ZKSCAN7: variants seen among roughly 807,000 people sequenced by gnomAD.
The protein encoded by ZKSCAN7 is zinc finger protein with KRAB and SCAN domains 7.
Under a neutral mutation model 65.3 loss-of-function variants are expected in ZKSCAN7, and 38 were observed. That is an observed-to-expected ratio of 0.58 (90% CI 0.45 to 0.76). The LOEUF (loss-of-function observed/expected upper bound fraction) is 0.76, where lower values mean the gene tolerates loss of function less well. ZKSCAN7 is among the 30% of genes least tolerant of loss of function. The pLI, the probability that ZKSCAN7 is intolerant of heterozygous loss-of-function variation, is 0.00. For missense variants in ZKSCAN7, 815 were observed against 913.3 expected, an observed-to-expected ratio of 0.89 and a Z score of 1.39; for synonymous variants, 321 against 321.0, an observed-to-expected ratio of 1.00 and a Z score of 0.00.
chr3:44,575,986 C>T (rs1019693365), downstream of ZKSCAN7, among the ~76,000 whole-genome samples: 5 of 152,090 alleles, frequency 3.3e-5, no homozygotes, highest in African/African-American at 4.8e-5. Flanking sequence ...TACTCTGGAA[C>T]AGTATGCATA....
downstream of ZKSCAN7, among the ~76,000 whole-genome samples, chr3:44,574,053 A>T (rs761458189): frequency 3.3e-5 from 5 of 152,184 alleles, no homozygotes; most frequent in Non-Finnish European, 7.3e-5. Context: ...TTTAGTTTTA[A>T]TGGTTTTTTA....
At chr3:44,565,857 C>G (rs1223711963) in intron 3 of ZKSCAN7, among the ~76,000 whole-genome samples, 8 of 152,150 alleles carry the variant, frequency 5.3e-5, no homozygotes, top group Non-Finnish European at 5.9e-5. Flanking sequence ...AAGGGCATGT[C>G]GTAGGAAAGG....
intron 5 of ZKSCAN7, chr3:44,580,661 C>G (rs1700052174): frequency 3.7e-6 from 6 of 1,613,812 alleles, no homozygotes; most frequent in Non-Finnish European, 5.1e-6. Flanking sequence ...TCTCAGGCGT[C>G]AGAATACACA....
At chr3:44,579,465 G>C (rs1233754146) in intron 5 of ZKSCAN7, among the ~76,000 whole-genome samples, 1 of 152,134 alleles carries the variant, frequency 6.6e-6, no homozygotes, top group Non-Finnish European at 1.5e-5. Flanking sequence ...TTCTGCTCAG[G>C]GTCCGGCTCC....
At chr3:44,581,380 A>G (rs2125737956) in intron 5 of ZKSCAN7, among the ~76,000 whole-genome samples, 1 of 152,148 alleles carries the variant, frequency 6.6e-6, no homozygotes, top group Non-Finnish European at 1.5e-5. Flanking sequence ...GGCCGCTGCA[A>G]ATGACCAATT....
Position 44,571,693 on chromosome 3 carries a change from T to C in ZKSCAN7, c.*318T>C, listed in dbSNP as rs754356765. ...ACTCCATGCTTTTTAAAGACAGAGA[T>C]AATATCTTCTCTATTCTATTCTACT... On this transcript the variant is annotated 3_prime_UTR_variant, in exon 6 of 6. Coordinates refer to ENST00000426540, the MANE Select transcript of ZKSCAN7 (RefSeq NM_001288590.2). 112 of 1,175,612 alleles carry C rather than the reference T, an allele frequency of 9.5e-5. No individual in the cohort carries two copies. The highest frequency in any genetic ancestry group is 8.8e-5 in the Non-Finnish European group (83 of 946,458). The allele number at this position is 1,175,612 out of a possible 1,614,324, so 72.8% of individuals were successfully genotyped here. A position where few individuals can be genotyped will look rare whatever the true frequency, so the allele number is the denominator to read the frequency against.
rs33986362 is a variant in ZKSCAN7, at chr3:44,560,506, CTTTTTTT to C, written c.423+3054_423+3060del. ...TGCAGAATTCTTTTGTTTCCTGTAT[CTTTTTTT>C]TTTTTTTTTTTTTTTTTGAGACAAA... On this transcript the variant is annotated intron_variant, in intron 2 of 5. Coordinates refer to ENST00000426540, the MANE Select transcript of ZKSCAN7 (RefSeq NM_001288590.2). Among the ~76,000 whole-genome samples, 253 of 108,380 alleles carry C rather than the reference CTTTTTTT, an allele frequency of 2.3e-3. 4 individuals carry two copies. In the East Asian group the frequency reaches 0.044, roughly 19 times the overall value. The allele number at this position is 108,380 out of a possible 152,430, so 71.1% of individuals were successfully genotyped here.
rs201437514 is a variant in ZKSCAN7, at chr3:44,557,285, C to T, written c.238C>T (p.Arg80Cys). The T allele has an allele frequency of 1.1e-4, 171 of 1,614,272 alleles. No individual in the cohort carries two copies. The Admixed American group carries it at 2.2e-3, about 21-fold the overall frequency. ...EALSRLRELC[R>C]WWLMPEVHTK... The stretch of plus-strand genomic sequence containing the variant: ...ATTGAGCCGGCTTCGGGAGCTCTGC[C>T]GCTGGTGGCTCATGCCAGAGGTGCA... Residue 80 changes from arginine to cysteine, a missense_variant, in exon 2 of 6, where the codon CGC (arginine) becomes TGC (cysteine). Arg to Cys is a radical substitution (Grantham distance 180). This residue lies in a region of ZKSCAN7 where 227 missense variants were observed against 253.3 expected (regional missense o/e 0.90). Transcript: ENST00000426540.
intron 5 of ZKSCAN7, chr3:44,582,925 T>C: frequency 2.4e-6 from 1 of 421,322 alleles, no homozygotes; most frequent in Non-Finnish European, 4.7e-6. Flanking sequence ...TGTGTGTGTG[T>C]GTGTGTGTGT....
At chr3:44,578,518 C>T (rs1328855316) in intron 5 of ZKSCAN7, among the ~76,000 whole-genome samples, 1 of 152,232 alleles carries the variant, frequency 6.6e-6, no homozygotes, top group Non-Finnish European at 1.5e-5. Flanking sequence ...CCTCCAGCGC[C>T]TGGGCCAGAT....
chr3:44,568,191 T>C (rs1173642300), intron 4 of ZKSCAN7, 116 bp from the exon 5 acceptor site: 1 of 1,545,880 alleles, frequency 6.5e-7, no homozygotes, highest in Non-Finnish European at 8.7e-7. Flanking sequence ...TCATCTCAGC[T>C]CCTCTCTCCC....
chr3:44,573,844 A>C (rs1292598923), downstream of ZKSCAN7, among the ~76,000 whole-genome samples: 1 of 152,148 alleles, frequency 6.6e-6, no homozygotes, highest in East Asian at 1.9e-4. Context: ...ATTCATAACT[A>C]AGGTGGGAAT....
chr3:44,575,472 T>G (rs1212088615), downstream of ZKSCAN7, among the ~76,000 whole-genome samples: 1 of 152,254 alleles, frequency 6.6e-6, no homozygotes, highest in East Asian at 1.9e-4. Flanking sequence ...TAGTATACAC[T>G]ATAATAAAAG....
rs143468096 is a variant in ZKSCAN7 at position 44,571,367 on chromosome 3, G to T, written c.2257G>T (p.Val753Phe). 2.9e-5 allele frequency: 46 copies of T among 1,613,816 alleles called. No homozygotes were observed. The highest frequency in any genetic ancestry group is 3.6e-5 in the Non-Finnish European group (42 of 1,180,048). The change falls in exon 6 of 6, where the codon GTT (valine) becomes TTT (phenylalanine). Residue 753 changes from valine (V) to phenylalanine (F), a missense_variant. Val to Phe is a conservative substitution (Grantham distance 50). This residue lies in a region of ZKSCAN7 where 578 missense variants were observed against 629.5 expected (regional missense o/e 0.92). Transcript: ENST00000426540. ...GEKSSGLAWSVS is the reference protein window; with the variant it reads ...GEKSSGLAWSFS ...GAAGTCCTCAGGTCTGGCTTGGTCA[G>T]TTTCTTAAGGTATGGTTCTCTGAGA...
At position 44,555,451 on chromosome 3, in the gene ZKSCAN7, G is replaced by C. The variant is rs1241748812; in HGVS notation, c.-149G>C. ...GTGGCACGGAGCCGGGTATCTGCGG[G>C]TACAGCGATGAACAGGGCAGACGTG... On this transcript the variant is annotated 5_prime_UTR_variant, in exon 1 of 6. Transcript: ENST00000426540. 1 of 152,336 alleles carries C rather than the reference G, an allele frequency of 6.6e-6. No individual in the cohort carries two copies. Among genetic ancestry groups the C allele is most frequent in the Non-Finnish European group, 1.5e-5 (1 of 68,110 alleles). The allele number at this position is 152,336 out of a possible 1,614,324, so 9.4% of individuals were successfully genotyped here.
Position 44,570,338 on chromosome 3 carries a change from C to A in ZKSCAN7, c.1228C>A (p.Pro410Thr). 2.5e-6 allele frequency: 4 copies of A among 1,614,076 alleles called. No homozygotes were observed. Among genetic ancestry groups the A allele is most frequent in the South Asian group, 1.1e-5 (1 of 91,072 alleles). Residue 410 changes from proline to threonine, a missense_variant, in exon 6 of 6, where the codon CCC (proline) becomes ACC (threonine). By Grantham distance (38) the Pro-to-Thr change is conservative. This residue lies in a region of ZKSCAN7 where 578 missense variants were observed against 629.5 expected (regional missense o/e 0.92). Transcript: ENST00000426540. ...GHQRIHTGEKPYECNECGKTF... is the reference protein window; with the variant it reads ...GHQRIHTGEKTYECNECGKTF... ...TCAGAGAATCCACACTGGAGAGAAA[C>A]CCTATGAGTGTAATGAGTGTGGGAA...
rs567855800 is a variant in ZKSCAN7 at position 44,578,698 on chromosome 3, G to A, written c.812-4274G>A. On this transcript the variant is annotated intron_variant, in intron 5 of 5. Transcript: ENST00000341840. Reference sequence around the variant, plus strand: ...CCAGCTCCCGCTCCATCTCCTCCCGGTGGGCGTTCTTCATGGCTTCGATGG... The same window carrying A: ...CCAGCTCCCGCTCCATCTCCTCCCGATGGGCGTTCTTCATGGCTTCGATGG... Among the ~76,000 whole-genome samples the A allele has an allele frequency of 1.9e-4, 29 of 152,326 alleles. No homozygotes were observed. The South Asian group carries it at 5.8e-3, about 31-fold the overall frequency.
intron 1 of ZKSCAN7, among the ~76,000 whole-genome samples, chr3:44,556,195 G>A (rs1325622359): frequency 1.3e-5 from 2 of 152,188 alleles, no homozygotes; most frequent in Non-Finnish European, 2.9e-5. Flanking sequence ...TTTGGTGGCC[G>A]TGCAGCAGTT....
chr3:44,557,738 G>A (rs1699342957), intron 2 of ZKSCAN7: 1 of 527,448 alleles, frequency 1.9e-6, no homozygotes, highest in Non-Finnish European at 3.3e-6. Context: ...TGGCAGGCGG[G>A]GGATCTGCAT....
Sources: gnomAD v4.1 joint callset for allele counts (sites outside exome capture counted in the v4.1 genomes callset) on GRCh38, gnomAD v4.1.1 for gene constraint, gnomAD v4.1.1 regional missense constraint, MANE v1.5 for transcripts, NCBI Gene and HGNC (gene_info 2026-07-23, HGNC 2026-07-21) for gene names.